The following CNTNAP5 variants were observed in gnomAD, a reference collection of about 807,000 sequenced individuals.
CNTNAP5 encodes contactin-associated protein-like 5.
Under a neutral mutation model 150.2 loss-of-function variants are expected in CNTNAP5, and 72 were observed. The observed-to-expected ratio is 0.48, with a 90% CI of 0.40 to 0.58. The LOEUF (loss-of-function observed/expected upper bound fraction) is 0.58, where lower values mean the gene tolerates loss of function less well. Ranked by LOEUF, CNTNAP5 falls within the 20% of genes least tolerant of loss-of-function variation. CNTNAP5 has a pLI of 0.00. For synonymous variants in CNTNAP5, 672 were observed against 619.8 expected, an observed-to-expected ratio of 1.08 and a Z score of -1.25; for missense variants, 1,636 against 1,626.2, an observed-to-expected ratio of 1.01 and a Z score of -0.10.
intron 19 of CNTNAP5, among the ~76,000 whole-genome samples, chr2:124,811,370 T>C (rs1015042656): frequency 6.6e-6 from 1 of 152,200 alleles, no homozygotes; most frequent in African/African-American, 2.4e-5. Context: ...TATTCTATAC[T>C]ATTTGACTTT....
chr2:124,727,954 A>C (rs1680193602), intron 13 of CNTNAP5, among the ~76,000 whole-genome samples: 1 of 151,840 alleles, frequency 6.6e-6, no homozygotes, highest in Admixed American at 6.6e-5. Flanking sequence ...GTCATATATG[A>C]CCTTTATTGT....
intron 2 of CNTNAP5, among the ~76,000 whole-genome samples, chr2:124,228,201 T>C (rs1047405745): frequency 1.4e-4 from 22 of 152,118 alleles, no homozygotes; most frequent in Non-Finnish European, 1.9e-4. Context: ...GGAATTCTGA[T>C]GTCCAGGAAG....
rs768227667 is a variant in CNTNAP5, at chr2:124,504,294, C to A, written c.1065C>A (p.Gly355=). The A allele has an allele frequency of 6.2e-7, 1 of 1,610,436 alleles. No homozygotes were observed. Among genetic ancestry groups the A allele is most frequent in the Non-Finnish European group, 8.5e-7 (1 of 1,176,950 alleles). The change falls in exon 8 of 24, where the codon GGC becomes GGA. Residue 355 remains glycine (G), a splice_region_variant and synonymous_variant. Coordinates refer to ENST00000682447, the MANE Select transcript of CNTNAP5 (RefSeq NM_001367498.1). ...KRRKHQIYTV[G]NVTFSCSEPQ... is the part of the protein sequence containing the mutation. ...GTTTGACTTTTATTGTTTTCCAGGG[C>A]AATGTCACTTTTTCCTGCTCCGAAC...
At chr2:124,557,726 C>T (rs1242501875) in intron 10 of CNTNAP5, among the ~76,000 whole-genome samples, 1 of 152,024 alleles carries the variant, frequency 6.6e-6, no homozygotes, top group Non-Finnish European at 1.5e-5. Context: ...TCCAGGGAAA[C>T]AATGAGGAAG....
At chr2:124,284,013 C>G (rs1688085356) in intron 3 of CNTNAP5, among the ~76,000 whole-genome samples, 1 of 152,080 alleles carries the variant, frequency 6.6e-6, no homozygotes, top group Non-Finnish European at 1.5e-5. Context: ...CCTCTTAGCC[C>G]AGTACTTGTA....
In CNTNAP5 at chr2:124,549,962, C is replaced by T. The variant is rs146125433; in HGVS notation, c.1650-13255C>T. Among the ~76,000 whole-genome samples, 80 of 152,312 alleles carry T rather than the reference C, an allele frequency of 5.3e-4. No homozygotes were observed. The East Asian group carries it at 0.01, about 19-fold the overall frequency. ...AGCAGCGGTGCCCTCTCTGTATCCA[C>T]GCTACCTGCGTGGGCCTGAGCAGAC... is the stretch of plus-strand genomic sequence containing the variant. On this transcript the variant is annotated intron_variant, in intron 10 of 23. Transcript: ENST00000682447.
At chr2:124,794,409 A>T (rs933637953) in intron 18 of CNTNAP5, among the ~76,000 whole-genome samples, 2 of 152,252 alleles carry the variant, frequency 1.3e-5, no homozygotes, top group African/African-American at 4.8e-5. Context: ...GACAGCCCAC[A>T]GCATGTAAAG....
chr2:124,148,823 A>G (rs886441441), intron 1 of CNTNAP5, among the ~76,000 whole-genome samples: 3 of 151,586 alleles, frequency 2.0e-5, no homozygotes, highest in Admixed American at 2.0e-4. Context: ...ATATAAACAC[A>G]CAAATATACA....
intron 6 of CNTNAP5, among the ~76,000 whole-genome samples, chr2:124,451,170 A>G (rs1266673638): frequency 2.0e-5 from 3 of 149,362 alleles, no homozygotes; most frequent in Admixed American, 6.7e-5. Context: ...TTTACATATT[A>G]TCACTTCATA....
At chr2:124,263,745 T>A (rs1687525818) in intron 3 of CNTNAP5, among the ~76,000 whole-genome samples, 1 of 152,230 alleles carries the variant, frequency 6.6e-6, no homozygotes, top group South Asian at 2.1e-4. Flanking sequence ...CTGAATGGTA[T>A]TGCCCAGGTT....
intron 19 of CNTNAP5, among the ~76,000 whole-genome samples, chr2:124,846,387 C>T (rs1387666415): frequency 6.6e-6 from 1 of 152,098 alleles, no homozygotes; most frequent in Non-Finnish European, 1.5e-5. Context: ...CTTTCCGGTG[C>T]ATTTCTCTAA....
At chr2:124,364,674 G>A (rs1163210294) in intron 3 of CNTNAP5, among the ~76,000 whole-genome samples, 2 of 152,112 alleles carry the variant, frequency 1.3e-5, no homozygotes, top group Non-Finnish European at 2.9e-5. Context: ...TATTTCTAAA[G>A]CAAGAAAGAG....
chr2:124,764,189 A>G lies in CNTNAP5; in HGVS notation c.2533+42A>G, dbSNP rs1400589209. On this transcript the variant is annotated intron_variant, in intron 16 of 23. Transcript: ENST00000682447. ...ATGAATTTAATGTAACTGATCAACA[A>G]ACAAGTTTTAGTCTTGTTTTTGCCA... 1.9e-6 allele frequency: 3 copies of G among 1,541,014 alleles called. No individual in the cohort carries two copies. The African/African-American group carries it at 4.1e-5, about 21-fold the overall frequency.
intron 3 of CNTNAP5, among the ~76,000 whole-genome samples, chr2:124,269,513 G>A (rs1687689307): frequency 6.6e-6 from 1 of 152,244 alleles, no homozygotes; most frequent in Non-Finnish European, 1.5e-5. Flanking sequence ...GGAGTTTTGG[G>A]ACACTTTGTG....
At chr2:124,139,947 C>T (rs1462092768) in intron 1 of CNTNAP5, among the ~76,000 whole-genome samples, 1 of 152,122 alleles carries the variant, frequency 6.6e-6, no homozygotes, top group Non-Finnish European at 1.5e-5. Flanking sequence ...GTGCACGAGC[C>T]GAAGCAGGGC....
intron 2 of CNTNAP5, among the ~76,000 whole-genome samples, chr2:124,229,308 G>C (rs1204219475): frequency 1.3e-5 from 2 of 152,084 alleles, no homozygotes; most frequent in Non-Finnish European, 2.9e-5. Flanking sequence ...ACAGCTGTTG[G>C]GCTGTAGGTA....
chr2:124,846,436 T>C (rs1683049535), intron 19 of CNTNAP5, among the ~76,000 whole-genome samples: 1 of 152,154 alleles, frequency 6.6e-6, no homozygotes, highest in Admixed American at 6.6e-5. Context: ...TTGTTTTTAT[T>C]TTACTGTCTA....
At chr2:124,527,142 G>C in intron 9 of CNTNAP5, 143 bp from the exon 10 acceptor site, 2 of 628,156 alleles carry the variant, frequency 3.2e-6, no homozygotes, top group Non-Finnish European at 5.5e-6. Flanking sequence ...GAGAATGCTA[G>C]GATTTATAAT....
At chr2:124,296,015 T>A (rs1194349377) in intron 3 of CNTNAP5, among the ~76,000 whole-genome samples, 1 of 152,190 alleles carries the variant, frequency 6.6e-6, no homozygotes, top group African/African-American at 2.4e-5. Context: ...ATGAAGAAAG[T>A]CCTAAAACCT....
Sources: gnomAD v4.1 joint callset for allele counts (sites outside exome capture counted in the v4.1 genomes callset) on GRCh38, gnomAD v4.1.1 for gene constraint, MANE v1.5 for transcripts, NCBI Gene and HGNC (gene_info 2026-07-23, HGNC 2026-07-21) for gene names.